The following LRMDA variants were observed in gnomAD, a reference collection of about 807,000 sequenced individuals.
LRMDA encodes the protein leucine rich melanocyte differentiation associated.
A neutral mutation model predicts 29.8 loss-of-function variants in LRMDA; 18 were observed. The ratio of observed to expected loss-of-function variants is 0.60; its 90% CI spans 0.42 to 0.90. The LOEUF (loss-of-function observed/expected upper bound fraction) is 0.90, where lower values mean the gene tolerates loss of function less well. Among genes scored for constraint, LRMDA ranks in the 40% least tolerant of loss-of-function variants. The pLI is 0.00. For missense variants in LRMDA, 273 were observed against 273.9 expected (o/e 1.00, Z 0.02); for synonymous variants, 125 against 109.4 (o/e 1.14, Z -0.89).
At chr10:75,506,653 C>CT in intron 2 of LRMDA, among the ~76,000 whole-genome samples, 1 of 152,248 alleles carries the variant, frequency 6.6e-6, no homozygotes, top group African/African-American at 2.4e-5. Flanking sequence ...ATGGACCATG[C>CT]TTTAAAAGTC....
chr10:76,036,002 T>TA lies in LRMDA; in HGVS notation c.132-6_132-5insA. The TA allele has an allele frequency of 6.2e-7, 1 of 1,613,520 alleles. No homozygotes were observed. Among genetic ancestry groups the TA allele is most frequent in the Non-Finnish European group, 8.5e-7 (1 of 1,179,798 alleles). Reference sequence around the variant, plus strand: ...ATCATTTTTCCTGTTGCCTTTGTCATTGCAGGTCACTGGAAGGACTGAGCG... The same window carrying TA: ...ATCATTTTTCCTGTTGCCTTTGTCATATGCAGGTCACTGGAAGGACTGAGCG... On this transcript the variant is annotated splice_polypyrimidine_tract_variant and splice_region_variant and intron_variant, in intron 2 of 6. Transcript: ENST00000611255.
chr10:75,915,901 T>C (rs1845924296), intron 2 of LRMDA, among the ~76,000 whole-genome samples: 1 of 152,212 alleles, frequency 6.6e-6, no homozygotes, highest in Non-Finnish European at 1.5e-5. Flanking sequence ...GAATACTTAA[T>C]GAGGGAGTGG....
At chr10:75,618,378 C>A (rs1280475065) in intron 2 of LRMDA, among the ~76,000 whole-genome samples, 432 of 62,502 alleles carry the variant, frequency 6.9e-3, no homozygotes, top group African/African-American at 0.021. Flanking sequence ...CTCTCTCTCT[C>A]TCTCTATATA....
intron 2 of LRMDA, among the ~76,000 whole-genome samples, chr10:75,802,332 C>CGA (rs1491434324): frequency 8.7e-6 from 1 of 114,398 alleles, no homozygotes; most frequent in Admixed American, 8.7e-5. Flanking sequence ...CACACACACA[C>CGA]GCGCACACAC....
At chr10:75,701,458 A>G (rs1842307411) in intron 2 of LRMDA, among the ~76,000 whole-genome samples, 1 of 152,240 alleles carries the variant, frequency 6.6e-6, no homozygotes, top group South Asian at 2.1e-4. Context: ...AAGACACACA[A>G]GCAGCTTTCA....
intron 2 of LRMDA, among the ~76,000 whole-genome samples, chr10:75,798,447 C>A (rs186724917): frequency 7.9e-5 from 12 of 152,128 alleles, no homozygotes; most frequent in African/African-American, 2.9e-4. Context: ...TTCAAAAGAA[C>A]CAGCTTTTGC....
chr10:75,787,853 C>T (rs1377608535), intron 2 of LRMDA, among the ~76,000 whole-genome samples: 1 of 152,144 alleles, frequency 6.6e-6, no homozygotes, highest in African/African-American at 2.4e-5. Flanking sequence ...CACGGTGAAA[C>T]TCCGTTTCTA....
intron 2 of LRMDA, among the ~76,000 whole-genome samples, chr10:75,673,922 C>G (rs1564536765): frequency 6.6e-6 from 1 of 152,188 alleles, no homozygotes; most frequent in Non-Finnish European, 1.5e-5. Flanking sequence ...TCCTGCCTGA[C>G]ACATAGTAGG....
chr10:75,949,101 T>G (rs1846528829), intron 2 of LRMDA, among the ~76,000 whole-genome samples: 1 of 152,088 alleles, frequency 6.6e-6, no homozygotes, highest in East Asian at 1.9e-4. Context: ...TAAAAAAAAT[T>G]GCTGCAGCGT....
intron 5 of LRMDA, among the ~76,000 whole-genome samples, chr10:76,108,730 TC>T (rs1849527412): frequency 6.6e-6 from 1 of 152,220 alleles, no homozygotes; most frequent in South Asian, 2.1e-4. Flanking sequence ...TCAGCACCTA[TC>T]CAAATCCTAT....
chr10:76,348,233 G>A (rs1275653316), intron 6 of LRMDA, among the ~76,000 whole-genome samples: 2 of 152,158 alleles, frequency 1.3e-5, no homozygotes. Flanking sequence ...AAGGGTGAAC[G>A]ATCTTAGGGA....
rs148622467 is a variant in LRMDA at position 76,272,153 on chromosome 10, T to C, written c.517-52248T>C. 1.2e-3 allele frequency among the ~76,000 whole-genome samples: 176 copies of C among 152,352 alleles called. 4 individuals carry two copies. The East Asian group carries it at 0.029, about 25-fold the overall frequency. On this transcript the variant is annotated intron_variant, in intron 5 of 6. Transcript: ENST00000611255. The stretch of plus-strand genomic sequence containing the variant: ...ATTAAAGGTAAAGGTCTCAGGAATC[T>C]TGAATGACAATCACAGAGATGCCCC...
intron 2 of LRMDA, among the ~76,000 whole-genome samples, chr10:75,843,461 A>G (rs1220926335): frequency 1.3e-5 from 2 of 152,236 alleles, no homozygotes; most frequent in Non-Finnish European, 2.9e-5. Flanking sequence ...CCTGAGTGCC[A>G]GTGCTTGCTC....
At chr10:75,861,581 C>T (rs988599619) in intron 2 of LRMDA, among the ~76,000 whole-genome samples, 1 of 152,132 alleles carries the variant, frequency 6.6e-6, no homozygotes, top group African/African-American at 2.4e-5. Flanking sequence ...TCTTTCCCTA[C>T]TTACCTAAAT....
intron 2 of LRMDA, among the ~76,000 whole-genome samples, chr10:75,890,307 T>C (rs1267345595): frequency 1.3e-5 from 2 of 152,176 alleles, no homozygotes; most frequent in Non-Finnish European, 2.9e-5. Flanking sequence ...TCATTTGAAT[T>C]CTCTCTCTAT....
At chr10:75,812,108 A>ATTTTTTTTTTTTTTTTTTT (rs67846089) in intron 2 of LRMDA, among the ~76,000 whole-genome samples, 1 of 46,258 alleles carries the variant, frequency 2.2e-5, no homozygotes, top group African/African-American at 1.2e-4. Flanking sequence ...TTTAATTGTG[A>ATTTTTTTTTTTTTTTTTTT]TTTTTTTTTT....
chr10:75,534,831 T>C (rs1839928039), intron 2 of LRMDA, among the ~76,000 whole-genome samples: 1 of 152,158 alleles, frequency 6.6e-6, no homozygotes, highest in Non-Finnish European at 1.5e-5. Context: ...TCTTTCTTCC[T>C]CCCCTTTTAA....
chr10:76,230,535 T>A (rs1362168471), intron 5 of LRMDA, among the ~76,000 whole-genome samples: 2 of 149,276 alleles, frequency 1.3e-5, no homozygotes, highest in African/African-American at 4.9e-5. Context: ...CATGATTTTA[T>A]TTTTCACTGT....
intron 6 of LRMDA, among the ~76,000 whole-genome samples, chr10:76,543,843 T>G (rs2132387646): frequency 6.6e-6 from 1 of 152,272 alleles, no homozygotes; most frequent in African/African-American, 2.4e-5. Flanking sequence ...TCAAATAAAA[T>G]TTCAATTGTA....
Sources: gnomAD v4.1 joint callset for allele counts (sites outside exome capture counted in the v4.1 genomes callset) on GRCh38, gnomAD v4.1.1 for gene constraint, MANE v1.5 for transcripts, NCBI Gene and HGNC (gene_info 2026-07-23, HGNC 2026-07-21) for gene names.